RNF144A: variants seen among roughly 807,000 people sequenced by gnomAD.
The protein encoded by RNF144A is ring finger protein 144A.
RNF144A carries 11 observed loss-of-function variants against 38.7 expected under a neutral mutation model. The ratio of observed to expected loss-of-function variants is 0.28; its 90% confidence interval spans 0.18 to 0.47. The LOEUF is 0.47. RNF144A is among the 20% of genes least tolerant of loss of function. RNF144A has a pLI of 0.99. For synonymous variants in RNF144A, 149 were observed against 143.9 expected (o/e 1.04, Z -0.25); for missense variants, 316 against 377.2 (o/e 0.84, Z 1.34).
intron 8 of RNF144A, among the ~76,000 whole-genome samples, chr2:7,033,568 T>C (rs1008093612): frequency 1.3e-5 from 2 of 152,224 alleles, no homozygotes; most frequent in Non-Finnish European, 2.9e-5. Flanking sequence ...CATCACTCTC[T>C]TCCTCTACTT....
downstream of RNF144A, among the ~76,000 whole-genome samples, chr2:7,072,386 G>T (rs966203490): frequency 3.3e-5 from 5 of 152,218 alleles, no homozygotes; most frequent in Admixed American, 6.5e-5. Flanking sequence ...GGAAGGTATG[G>T]CCTGGTTTCT....
At chr2:7,025,416 A>C (rs747727395) in intron 7 of RNF144A, among the ~76,000 whole-genome samples, 13 of 152,206 alleles carry the variant, frequency 8.5e-5, no homozygotes, top group Non-Finnish European at 1.3e-4. Context: ...GCTCACGCCT[A>C]TATTCCCAGC....
At position 7,039,940 on chromosome 2, in the gene RNF144A, A is replaced by C; in HGVS notation, c.*180A>C. 1.4e-6 allele frequency: 2 copies of C among 1,415,574 alleles called. No individual in the cohort carries two copies. Among genetic ancestry groups the C allele is most frequent in the South Asian group, 3.0e-5 (2 of 66,188 alleles). The allele number at this position is 1,415,574 out of a possible 1,614,324, so 87.7% of individuals were successfully genotyped here. A position where few individuals can be genotyped will look rare whatever the true frequency, so the allele number is the denominator to read the frequency against. ...ATGTCACAATGTTCGCTGAGGCCCCAGGTGTGGTGGGGAGGGGAGGCAGGT... is the reference window on the plus strand; with the variant it reads ...ATGTCACAATGTTCGCTGAGGCCCCCGGTGTGGTGGGGAGGGGAGGCAGGT... On this transcript the variant is annotated 3_prime_UTR_variant, in exon 9 of 9. Coordinates refer to ENST00000320892, the MANE Select transcript of RNF144A (RefSeq NM_014746.6).
chr2:7,011,423 C>T (rs542258757), intron 3 of RNF144A, among the ~76,000 whole-genome samples: 1 of 152,274 alleles, frequency 6.6e-6, no homozygotes, highest in East Asian at 1.9e-4. Flanking sequence ...AACAGACAAA[C>T]ATAAAACCTC....
chr2:6,941,589 AAG>A lies in RNF144A; in HGVS notation c.-12+446_-12+447del, dbSNP rs1665982702. Among the ~76,000 whole-genome samples, 1 of 152,240 alleles carries A rather than the reference AAG, an allele frequency of 6.6e-6. No homozygotes were observed. Among genetic ancestry groups the A allele is most frequent in the Non-Finnish European group, 1.5e-5 (1 of 68,042 alleles). ...GAGGATGGGGGTAGGGACAGTCAGGAAGAGACAGACAATTCTCATTTGACAGT... is the reference window on the plus strand; with the variant it reads ...GAGGATGGGGGTAGGGACAGTCAGGAAGACAGACAATTCTCATTTGACAGT... On this transcript the variant is annotated intron_variant, in intron 2 of 8. Transcript: ENST00000320892. This position sits in a 1 kb window ranked among gnomAD's most constrained non-coding sequence, Gnocchi z 6.5.
chr2:6,919,561 C>T (rs1459806892), intron 1 of RNF144A, among the ~76,000 whole-genome samples: 1 of 151,950 alleles, frequency 6.6e-6, no homozygotes, highest in East Asian at 1.9e-4. Flanking sequence ...CTGAGCCCTG[C>T]TTTAGAGTGA....
chr2:7,007,379 T>C (rs1282009273), intron 3 of RNF144A, among the ~76,000 whole-genome samples: 1 of 152,256 alleles, frequency 6.6e-6, no homozygotes, highest in East Asian at 1.9e-4. Flanking sequence ...AACCCTCTGC[T>C]GTTAGACATT....
intron 1 of RNF144A, among the ~76,000 whole-genome samples, chr2:6,923,130 T>C (rs1245256773): frequency 6.6e-6 from 1 of 152,162 alleles, no homozygotes; most frequent in African/African-American, 2.4e-5. Flanking sequence ...GGTCTGCCCA[T>C]ATCCTCTGAA....
chr2:7,011,921 T>G (rs989039355), intron 3 of RNF144A, among the ~76,000 whole-genome samples: 1 of 152,228 alleles, frequency 6.6e-6, no homozygotes, highest in Non-Finnish European at 1.5e-5. Context: ...TACAGATAGC[T>G]GCATCCTGAT....
At chr2:7,017,321 G>GTTT (rs60629488) in intron 5 of RNF144A, among the ~76,000 whole-genome samples, 38 of 145,748 alleles carry the variant, frequency 2.6e-4, no homozygotes, top group East Asian at 1.0e-3. Flanking sequence ...TTTGTTCTTT[G>GTTT]TTTTTTTTTT....
At chr2:6,919,960 T>C (rs1056865225) in intron 1 of RNF144A, among the ~76,000 whole-genome samples, 4 of 152,226 alleles carry the variant, frequency 2.6e-5, no homozygotes, top group Non-Finnish European at 4.4e-5. Context: ...TGCCCTCAGC[T>C]TGCTAGTTGG....
At chr2:7,067,574 C>T (rs546467107) in intron 6 of RNF144A, among the ~76,000 whole-genome samples, 1 of 152,234 alleles carries the variant, frequency 6.6e-6, no homozygotes, top group South Asian at 2.1e-4. Flanking sequence ...CTGCTTGCAC[C>T]ATCCAGTATG....
intron 1 of RNF144A, among the ~76,000 whole-genome samples, chr2:6,927,720 C>A (rs972627431): frequency 6.6e-6 from 1 of 152,162 alleles, no homozygotes; most frequent in Admixed American, 6.5e-5. Flanking sequence ...GTAGAGTACC[C>A]AGTCATAATT....
intron 2 of RNF144A, among the ~76,000 whole-genome samples, chr2:6,955,586 T>G (rs1338607449): frequency 6.6e-6 from 1 of 152,118 alleles, no homozygotes; most frequent in Non-Finnish European, 1.5e-5. Flanking sequence ...GTCTGGTGCA[T>G]TTTCTTTCTT....
At chr2:7,021,539 C>G (rs1438446189) in intron 6 of RNF144A, among the ~76,000 whole-genome samples, 1 of 152,202 alleles carries the variant, frequency 6.6e-6, no homozygotes, top group East Asian at 1.9e-4. Context: ...CCTGCTCTGC[C>G]CTCCTCCTTT....
chr2:7,039,820 TC>T lies in RNF144A; in HGVS notation c.*64del, dbSNP rs921152907. On this transcript the variant is annotated 3_prime_UTR_variant, in exon 9 of 9. Transcript: ENST00000320892. ...GGGAAGTGTGGCTCTCCCCCAACCC[TC>T]CCCACCGTCCCCCCTTCACTAAACA... 4.8e-6 allele frequency: 7 copies of T among 1,461,718 alleles called. No individual in the cohort carries two copies. The African/African-American group carries it at 7.0e-5, about 15-fold the overall frequency. The allele number at this position is 1,461,718 out of a possible 1,614,324, so 90.5% of individuals were successfully genotyped here. A position where few individuals can be genotyped will look rare whatever the true frequency, so the allele number is the denominator to read the frequency against.
chr2:6,978,725 C>G (rs1363772788), intron 2 of RNF144A: 3 of 152,674 alleles, frequency 2.0e-5, no homozygotes, highest in African/African-American at 7.2e-5. Flanking sequence ...GTTCTGCAGT[C>G]TGAGCCTGGA....
At chr2:6,948,155 G>A (rs1017623627) in intron 2 of RNF144A, among the ~76,000 whole-genome samples, 3 of 152,242 alleles carry the variant, frequency 2.0e-5, no homozygotes, top group Non-Finnish European at 4.4e-5. Context: ...GGAAGACTGG[G>A]TGTGGAGATG....
At position 6,941,532 on chromosome 2, in the gene RNF144A, C is replaced by T. The variant is rs1051339129; in HGVS notation, c.-12+385C>T. ...GAGGCAGCACCAGTGCCTGCTCTCACGAAGATTCTGTGTTTGTGAGGAATA... is the reference window on the plus strand; with the variant it reads ...GAGGCAGCACCAGTGCCTGCTCTCATGAAGATTCTGTGTTTGTGAGGAATA... On this transcript the variant is annotated intron_variant, in intron 2 of 8. Coordinates refer to ENST00000320892, the MANE Select transcript of RNF144A (RefSeq NM_014746.6). This position sits in a 1 kb window ranked among gnomAD's most constrained non-coding sequence, Gnocchi z 6.5. Among the ~76,000 whole-genome samples the T allele has an allele frequency of 9.2e-5, 14 of 152,254 alleles. No homozygotes were observed. Among genetic ancestry groups the T allele is most frequent in the South Asian group, 2.1e-4 (1 of 4,828 alleles).
Sources: gnomAD v4.1 joint callset for allele counts (sites outside exome capture counted in the v4.1 genomes callset) on GRCh38, gnomAD v4.1.1 for gene constraint, Gnocchi (gnomAD v3.1) non-coding constraint, MANE v1.5 for transcripts, NCBI Gene and HGNC (gene_info 2026-07-23, HGNC 2026-07-21) for gene names.